Variants in LRCH1 observed in about 807,000 individuals in gnomAD.
LRCH1 encodes the protein leucine rich repeats and calponin homology domain containing 1.
In LRCH1, 23 loss-of-function variants were observed where a neutral mutation model predicts 94.9. The ratio of observed to expected loss-of-function variants is 0.24; its 90% CI spans 0.17 to 0.34. The LOEUF (loss-of-function observed/expected upper bound fraction) is 0.34, where lower values mean the gene tolerates loss of function less well. LRCH1 is among the 10% of genes least tolerant of loss of function. The pLI, the probability that LRCH1 is intolerant of heterozygous loss-of-function variation, is 1.00. For missense variants in LRCH1, 790 were observed against 945.9 expected (o/e 0.84, Z 2.16); for synonymous variants, 364 against 354.9 (o/e 1.03, Z -0.29).
At chr13:46,554,487 AG>A (rs1165783100) in intron 1 of LRCH1, among the ~76,000 whole-genome samples, 1 of 152,190 alleles carries the variant, frequency 6.6e-6, no homozygotes, top group African/African-American at 2.4e-5. Context: ...CGGGGGCCCC[AG>A]GAAAGGACGG....
chr13:46,565,848 TAATGAC>T (rs1306851868), intron 1 of LRCH1, among the ~76,000 whole-genome samples: 1 of 148,946 alleles, frequency 6.7e-6, no homozygotes, highest in Non-Finnish European at 1.5e-5. Flanking sequence ...ATAATAATAA[TAATGAC>T]AACAATAATT....
intron 1 of LRCH1, among the ~76,000 whole-genome samples, chr13:46,560,014 C>A (rs1311118074): frequency 2.6e-5 from 4 of 151,974 alleles, no homozygotes; most frequent in African/African-American, 9.7e-5. Flanking sequence ...AGAAGTCAAA[C>A]TTGTTTTGCC....
At chr13:46,670,412 A>G (rs921968007) in intron 3 of LRCH1, among the ~76,000 whole-genome samples, 1 of 152,174 alleles carries the variant, frequency 6.6e-6, no homozygotes, top group Admixed American at 6.5e-5. Context: ...TTCCTCTTCC[A>G]TACAACGGCA....
Position 46,705,116 on chromosome 13 carries a change from G to A in LRCH1, c.1449G>A (p.Met483Ile). The part of the protein sequence containing the change: ...TERSVLNLYP[M>I]GSAEALELQD... Reference sequence around the variant, plus strand: ...GAAGTGTTTTAAACCTATATCCTATGGGATCAGCAGAAGCCTTAGAATTAC... The same window carrying A: ...GAAGTGTTTTAAACCTATATCCTATAGGATCAGCAGAAGCCTTAGAATTAC... The change falls in exon 12 of 20, where the codon ATG becomes ATA. Residue 483 changes from methionine to isoleucine, a missense_variant. Transcript: ENST00000389797. The A allele has an allele frequency of 6.2e-7, 1 of 1,609,010 alleles. No individual in the cohort carries two copies. The highest frequency in any genetic ancestry group is 8.5e-7 in the Non-Finnish European group (1 of 1,177,608).
intron 2 of LRCH1, among the ~76,000 whole-genome samples, chr13:46,652,506 TATCTA>T (rs2051320561): frequency 6.6e-6 from 1 of 152,182 alleles, no homozygotes; most frequent in Non-Finnish European, 1.5e-5. Flanking sequence ...GAGGCTCATA[TATCTA>T]ATCTTCACTT....
At chr13:46,582,648 C>CATTTTTTTTTTTTTTTT (rs2050383964) in intron 1 of LRCH1, among the ~76,000 whole-genome samples, 1 of 23,332 alleles carries the variant, frequency 4.3e-5, no homozygotes, top group Non-Finnish European at 8.0e-5. Context: ...CCATGCCCAG[C>CATTTTTTTTTTTTTTTT]TTTTTTTTTT....
intron 1 of LRCH1, among the ~76,000 whole-genome samples, chr13:46,573,754 A>G (rs556701079): frequency 1.3e-4 from 20 of 150,440 alleles, no homozygotes; most frequent in African/African-American, 4.4e-4. Flanking sequence ...AGGGATGGGA[A>G]GGAGGTGGGG....
chr13:46,618,851 T>G (rs1484734099), intron 1 of LRCH1, among the ~76,000 whole-genome samples: 2 of 152,206 alleles, frequency 1.3e-5, no homozygotes, highest in African/African-American at 4.8e-5. Flanking sequence ...GGTAGTCACT[T>G]AGAACCTTTC....
intron 1 of LRCH1, among the ~76,000 whole-genome samples, chr13:46,642,472 G>A (rs868721367): frequency 2.6e-5 from 4 of 152,132 alleles, no homozygotes; most frequent in Admixed American, 2.0e-4. Context: ...CACCTGCCTC[G>A]CTAGGTTGTG....
chr13:46,575,189 G>A (rs9595495), intron 1 of LRCH1, among the ~76,000 whole-genome samples: 2,511 of 152,212 alleles, frequency 0.016, 56 homozygotes, highest in African/African-American at 0.058. Flanking sequence ...ACAGAGAACT[G>A]CTGGATAGGG....
At chr13:46,670,560 A>G (rs1246487779) in intron 3 of LRCH1, among the ~76,000 whole-genome samples, 1 of 152,226 alleles carries the variant, frequency 6.6e-6, no homozygotes, top group African/African-American at 2.4e-5. Context: ...TGCCCAAGGC[A>G]CATGGTCACA....
chr13:46,693,060 C>T lies in LRCH1; in HGVS notation c.1120+419C>T, dbSNP rs551819828. 4.0e-5 allele frequency among the ~76,000 whole-genome samples: 6 copies of T among 151,782 alleles called. No individual in the cohort carries two copies. The South Asian group carries it at 1.3e-3, about 32-fold the overall frequency. Reference sequence around the variant, plus strand: ...GATCTTGGCTCACCGCAACCTCCGCCTCCTGGGTTCAAGGGGTTCTCCTGC... The same window carrying T: ...GATCTTGGCTCACCGCAACCTCCGCTTCCTGGGTTCAAGGGGTTCTCCTGC... On this transcript the variant is annotated intron_variant, in intron 8 of 19. Coordinates refer to ENST00000389797, the MANE Select transcript of LRCH1 (RefSeq NM_001164211.2).
At position 46,553,373 on chromosome 13, in the gene LRCH1, C is replaced by T. The variant is rs752242144; in HGVS notation, c.-24C>T. 1.3e-6 allele frequency: 2 copies of T among 1,506,474 alleles called. No individual in the cohort carries two copies. Among genetic ancestry groups the T allele is most frequent in the East Asian group, 2.5e-5 (1 of 40,702 alleles). 93.3% of individuals were successfully genotyped at this position (1,506,474 alleles called of 1,614,324 possible). A position where few individuals can be genotyped will look rare whatever the true frequency, so the allele number is the denominator to read the frequency against. On this transcript the variant is annotated 5_prime_UTR_variant, in exon 1 of 20. Transcript: ENST00000389797. ...TGACCCCCCCGCAGGAGCGGCGGGG[C>T]GGGGTGGGGGGGCCCGGGAGAAGAT... is the stretch of plus-strand genomic sequence containing the variant.
At chr13:46,749,088 G>A (rs1874022438), downstream of LRCH1, among the ~76,000 whole-genome samples, 1 of 152,192 alleles carries the variant, frequency 6.6e-6, no homozygotes, top group African/African-American at 2.4e-5. Context: ...GTGTCACGTG[G>A]AAGGAAGCCC....
chr13:46,728,937 A>G lies in LRCH1; in HGVS notation c.1960A>G (p.Ile654Val), dbSNP rs1872963882. Residue 654 changes from isoleucine to valine, a missense_variant, in exon 18 of 20, where the codon ATC (isoleucine) becomes GTC (valine). Around this residue, in one of 3 missense-constraint regions of LRCH1, gnomAD observed 460 missense variants for 508.9 expected, o/e 0.90. Transcript: ENST00000389797. ...CGTCCTCTGCCATCTGGTCAACCAC[A>G]TCCGCCCACGGTCGGTTGCAAGCAT... ...GVVLCHLVNH[I>V]RPRSVASIHV... The G allele has an allele frequency of 6.2e-7, 1 of 1,613,690 alleles. No individual in the cohort carries two copies. Among genetic ancestry groups the G allele is most frequent in the East Asian group, 2.2e-5 (1 of 44,856 alleles).
At chr13:46,622,198 T>C (rs1371499453) in intron 1 of LRCH1, among the ~76,000 whole-genome samples, 4 of 57,176 alleles carry the variant, frequency 7.0e-5, no homozygotes, top group African/African-American at 2.7e-4. Context: ...GTTTTTTTTT[T>C]TTTTCCCCCC....
At chr13:46,619,622 A>G (rs2138020754) in intron 1 of LRCH1, among the ~76,000 whole-genome samples, 1 of 152,334 alleles carries the variant, frequency 6.6e-6, no homozygotes, top group South Asian at 2.1e-4. Context: ...TTGTCAGAGT[A>G]ACCTTATGCT....
In LRCH1 at chr13:46,681,630, G is replaced by A. The variant is rs567509990; in HGVS notation, c.580-111G>A. 1.6e-4 allele frequency: 120 copies of A among 742,830 alleles called. No individual in the cohort carries two copies. The African/African-American group carries it at 1.8e-3, about 11-fold the overall frequency. 46.0% of individuals were successfully genotyped at this position (742,830 alleles called of 1,614,324 possible). ...TAGGGACCTGGAGATGAATATAAAAGTGTACCTGTGTAGTTGTCCAAATAT... is the reference window on the plus strand; with the variant it reads ...TAGGGACCTGGAGATGAATATAAAAATGTACCTGTGTAGTTGTCCAAATAT... On this transcript the variant is annotated intron_variant, in intron 3 of 19. Coordinates refer to ENST00000389797, the MANE Select transcript of LRCH1 (RefSeq NM_001164211.2).
At chr13:46,660,403 C>T (rs1034643705) in intron 2 of LRCH1, among the ~76,000 whole-genome samples, 4 of 150,714 alleles carry the variant, frequency 2.7e-5, no homozygotes, top group African/African-American at 4.9e-5. Flanking sequence ...CATGATCGGC[C>T]GTCTCAAAAA....
Sources: gnomAD v4.1 joint callset for allele counts (sites outside exome capture counted in the v4.1 genomes callset) on GRCh38, gnomAD v4.1.1 for gene constraint, gnomAD v4.1.1 regional missense constraint, MANE v1.5 for transcripts, NCBI Gene and HGNC (gene_info 2026-07-23, HGNC 2026-07-21) for gene names.